Variants in HGSNAT observed in about 807,000 individuals in gnomAD.
The protein encoded by HGSNAT is transmembrane protein 76.
In HGSNAT, 59 loss-of-function variants were observed where a neutral mutation model predicts 85.2. The observed-to-expected ratio is 0.69, with a 90% CI of 0.56 to 0.86. HGSNAT has a LOEUF of 0.86. HGSNAT is among the 40% of genes least tolerant of loss of function. HGSNAT has a pLI of 0.00. For synonymous variants in HGSNAT, 321 were observed against 304.5 expected (o/e 1.05, Z -0.56); for missense variants, 756 against 777.1 (o/e 0.97, Z 0.32).
In HGSNAT at chr8:43,140,478, G is replaced by C; in HGVS notation, c.-19G>C. 1 of 982,464 alleles carries C rather than the reference G, an allele frequency of 1.0e-6. No homozygotes were observed. Among genetic ancestry groups the C allele is most frequent in the African/African-American group, 1.8e-5 (1 of 56,926 alleles). 60.9% of individuals were successfully genotyped at this position (982,464 alleles called of 1,614,324 possible). On this transcript the variant is annotated 5_prime_UTR_variant, in exon 1 of 18. Transcript: ENST00000379644. Reference sequence around the variant, plus strand: ...CGGGGCGCAGCGGGCAGGCAAGGGCGGCCGAGCGGGCGGCGGGCATGAGCG... The same window carrying C: ...CGGGGCGCAGCGGGCAGGCAAGGGCCGCCGAGCGGGCGGCGGGCATGAGCG...
intron 2 of HGSNAT, among the ~76,000 whole-genome samples, chr8:43,156,396 C>G (rs924050932): frequency 3.3e-5 from 5 of 152,060 alleles, no homozygotes; most frequent in South Asian, 2.1e-4. Context: ...ACCTCCACCC[C>G]CTGGGTTCAA....
chr8:43,145,548 C>T (rs1248455276), intron 1 of HGSNAT, among the ~76,000 whole-genome samples: 5 of 152,070 alleles, frequency 3.3e-5, no homozygotes, highest in African/African-American at 4.8e-5. Context: ...GTCAAGAGAT[C>T]GAGACCATCC....
At chr8:43,194,035 T>C in intron 14 of HGSNAT, 192 bp downstream of exon 14, 1 of 1,327,306 alleles carries the variant, frequency 7.5e-7, no homozygotes, top group Non-Finnish European at 9.6e-7. Flanking sequence ...AGTAATTAGA[T>C]ATAATTCTTA....
intron 11 of HGSNAT, among the ~76,000 whole-genome samples, chr8:43,191,236 T>G (rs1269686229): frequency 6.6e-6 from 1 of 152,218 alleles, no homozygotes; most frequent in African/African-American, 2.4e-5. Flanking sequence ...TGAACATATG[T>G]TTTCAGTTCT....
chr8:43,175,023 T>C (rs985984786), intron 9 of HGSNAT, among the ~76,000 whole-genome samples: 2 of 59,992 alleles, frequency 3.3e-5, no homozygotes, highest in African/African-American at 9.6e-5. Flanking sequence ...CTTAACATAA[T>C]GTCCTCGAGT....
Position 43,193,822 on chromosome 8 carries a change from G to C in HGSNAT, c.1443G>C (p.Val481=). The change falls in exon 14 of 18, where the codon GTG becomes GTC. Residue 481 remains valine, a synonymous_variant. Coordinates refer to ENST00000379644, the MANE Select transcript of HGSNAT (RefSeq NM_152419.3). ...TCCTGGGCACCATCAACTCCATCGT[G>C]ATGGCCTTTTTAGGAGTTCAGGTAT... ...EGILGTINSI[V]MAFLGVQAGK... 6.2e-7 allele frequency: 1 copy of C among 1,613,762 alleles called. No individual in the cohort carries two copies. Among genetic ancestry groups the C allele is most frequent in the Non-Finnish European group, 8.5e-7 (1 of 1,179,764 alleles).
chr8:43,144,747 C>G (rs1267485276), intron 1 of HGSNAT, among the ~76,000 whole-genome samples: 1 of 152,068 alleles, frequency 6.6e-6, no homozygotes, highest in African/African-American at 2.4e-5. Flanking sequence ...TTTATTTGTT[C>G]TCACTTAGGG....
intron 15 of HGSNAT, 128 bp from the exon 16 acceptor site, chr8:43,197,544 G>C (rs1450011565): frequency 1.4e-6 from 1 of 704,360 alleles, no homozygotes; most frequent in Non-Finnish European, 2.4e-6. Context: ...ATTTAAAAGA[G>C]AAAAATATAA....
At chr8:43,191,410 T>G in intron 11 of HGSNAT, 64 bp from the exon 12 acceptor site, 1 of 1,565,118 alleles carries the variant, frequency 6.4e-7, no homozygotes, top group Non-Finnish European at 8.7e-7. Context: ...CCTAAAGACA[T>G]GTGCTTAGTT....
chr8:43,149,793 A>G (rs1586701742), intron 2 of HGSNAT, among the ~76,000 whole-genome samples: 2 of 152,238 alleles, frequency 1.3e-5, no homozygotes, highest in South Asian at 4.2e-4. Context: ...AACTTCATAC[A>G]TTTAGTAAAC....
intron 5 of HGSNAT, among the ~76,000 whole-genome samples, chr8:43,164,388 A>G (rs1219899414): frequency 6.7e-6 from 1 of 149,778 alleles, no homozygotes; most frequent in Non-Finnish European, 1.5e-5. Context: ...TTTTTTTTTG[A>G]GACGTGGTCT....
chr8:43,152,028 CGTCT>C, intron 2 of HGSNAT, among the ~76,000 whole-genome samples: 1 of 152,306 alleles, frequency 6.6e-6, no homozygotes, highest in South Asian at 2.1e-4. Context: ...GTGGTTCATA[CGTCT>C]AATCCCAGCA....
chr8:43,173,582 AT>A, intron 8 of HGSNAT, 130 bp from the exon 9 acceptor site: 1 of 962,464 alleles, frequency 1.0e-6, no homozygotes, highest in Non-Finnish European at 1.6e-6. Context: ...AAGTGTTGGG[AT>A]TACGGGCATG....
intron 1 of HGSNAT, among the ~76,000 whole-genome samples, chr8:43,141,193 C>T (rs926825541): frequency 2.6e-5 from 4 of 152,180 alleles, no homozygotes; most frequent in South Asian, 2.1e-4. Flanking sequence ...TGAGGAACCG[C>T]GGAGAAGGCG....
rs1803523710 is a variant in HGSNAT, at chr8:43,169,028, T to C, written c.564-145T>C. On this transcript the variant is annotated intron_variant, in intron 5 of 17. Transcript: ENST00000379644. ...AGCTGCTGAAAATTGTGATTTCTAT[T>C]TTTATATTGTTAAAAAATGTTTAGA... is the stretch of plus-strand genomic sequence containing the variant. 1.1e-5 allele frequency: 5 copies of C among 461,144 alleles called. No individual in the cohort carries two copies. The South Asian group carries it at 2.8e-4, about 26-fold the overall frequency. The allele number at this position is 461,144 out of a possible 1,614,324, so 28.6% of individuals were successfully genotyped here.
chr8:43,153,382 A>G (rs1444262254), intron 2 of HGSNAT, among the ~76,000 whole-genome samples: 1 of 152,146 alleles, frequency 6.6e-6, no homozygotes, highest in Non-Finnish European at 1.5e-5. Context: ...TTGACATAAT[A>G]ATGGTACATA....
At chr8:43,141,912 T>G (rs1802562849) in intron 1 of HGSNAT, among the ~76,000 whole-genome samples, 2 of 152,146 alleles carry the variant, frequency 1.3e-5, no homozygotes, top group African/African-American at 2.4e-5. Flanking sequence ...CACTTACTTT[T>G]AGAGAGAGGT....
intron 17 of HGSNAT, among the ~76,000 whole-genome samples, chr8:43,198,280 C>CTTTTTTTTTTTTTTTTTTTTTTTTT (rs59416007): frequency 1.1e-5 from 1 of 90,332 alleles, no homozygotes; most frequent in African/African-American, 4.5e-5. Context: ...GTTTCTGGTT[C>CTTTTTTTTTTTTTTTTTTTTTTTTT]TTTTTTTTTT....
chr8:43,154,523 C>T lies in HGSNAT; in HGVS notation c.235-4052C>T, dbSNP rs1202987999. On this transcript the variant is annotated intron_variant, in intron 2 of 17. Transcript: ENST00000379644. ...TCCATGTCCCTACAAAGGACATGAACTCATCCTTTTTTATCGCTGCCTAGT... is the reference window on the plus strand; with the variant it reads ...TCCATGTCCCTACAAAGGACATGAATTCATCCTTTTTTATCGCTGCCTAGT... 8.5e-5 allele frequency among the ~76,000 whole-genome samples: 13 copies of T among 152,114 alleles called. 1 individual carries two copies. The highest frequency in any genetic ancestry group is 7.2e-4 in the Admixed American group (11 of 15,268).
Sources: gnomAD v4.1 joint callset for allele counts (sites outside exome capture counted in the v4.1 genomes callset) on GRCh38, gnomAD v4.1.1 for gene constraint, MANE v1.5 for transcripts, NCBI Gene and HGNC (gene_info 2026-07-23, HGNC 2026-07-21) for gene names.